The following TTC6 variants were observed in gnomAD, a reference collection of about 807,000 sequenced individuals.
The protein encoded by TTC6 is tetratricopeptide repeat domain 6, also known as tetratricopeptide repeat protein 6.
A neutral mutation model predicts 210.4 loss-of-function variants in TTC6; 172 were observed. The observed-to-expected ratio is 0.82, with a 90% CI of 0.72 to 0.93. TTC6 has a LOEUF of 0.93. TTC6 is among the 40% of genes least tolerant of loss of function. TTC6 has a pLI of 0.00. For synonymous variants in TTC6, 804 were observed against 819.6 expected (o/e 0.98, Z 0.32); for missense variants, 2,414 against 2,318.1 (o/e 1.04, Z -0.85).
In TTC6 at chr14:37,789,596, T is replaced by TTATATATATATATA. The variant is rs1283814571; in HGVS notation, c.3437-1113_3437-1100dup. Among the ~76,000 whole-genome samples, 1,043 of 134,366 alleles carry TTATATATATATATA rather than the reference T, an allele frequency of 7.8e-3. 16 individuals are homozygous for TTATATATATATATA. Among genetic ancestry groups the TTATATATATATATA allele is most frequent in the African/African-American group, 0.027 (963 of 35,598 alleles). 88.1% of individuals were successfully genotyped at this position (134,366 alleles called of 152,430 possible). On this transcript the variant is annotated intron_variant, in intron 15 of 30. Coordinates refer to ENST00000553443, the Ensembl canonical transcript of TTC6. ...TGGTGTTGGGACATTTGGTTTCCTCTTATATATATATATATATATATTGTA... is the reference window on the plus strand; with the variant it reads ...TGGTGTTGGGACATTTGGTTTCCTCTTATATATATATATATATATATATATATATATATATTGTA...
At chr14:37,641,458 C>A (rs1346340834) in intron 1 of TTC6, among the ~76,000 whole-genome samples, 2 of 152,180 alleles carry the variant, frequency 1.3e-5, no homozygotes, top group African/African-American at 4.8e-5. Flanking sequence ...ACAGACTGCA[C>A]AGCACATTTT....
exon 1 of TTC6, chr14:37,622,774 G>A (rs1222241328): frequency 2.6e-6 from 4 of 1,534,816 alleles, no homozygotes; most frequent in Admixed American, 2.0e-5. Flanking sequence ...AGCGGGGCCC[G>A]CGAGGCGCGG....
intron 24 of TTC6, among the ~76,000 whole-genome samples, chr14:37,810,542 CAG>C (rs1189324094): frequency 2.6e-5 from 4 of 152,170 alleles, no homozygotes; most frequent in African/African-American, 4.8e-5. Context: ...CCAAGTCACA[CAG>C]AGAGAGTTAG....
intron 20 of TTC6, among the ~76,000 whole-genome samples, chr14:37,797,560 T>C (rs1299570486): frequency 6.6e-6 from 1 of 151,974 alleles, no homozygotes; most frequent in African/African-American, 2.4e-5. Flanking sequence ...GATTGTGTGC[T>C]GAGTATCTTC....
At chr14:37,629,196 C>A (rs1022931574) in intron 1 of TTC6, among the ~76,000 whole-genome samples, 2 of 152,110 alleles carry the variant, frequency 1.3e-5, no homozygotes, top group Non-Finnish European at 2.9e-5. Flanking sequence ...TTACTTTGGG[C>A]AGTATGGCCA....
chr14:37,707,676 G>A (rs2095838006), intron 5 of TTC6, among the ~76,000 whole-genome samples: 1 of 151,964 alleles, frequency 6.6e-6, no homozygotes, highest in Admixed American at 6.6e-5. Flanking sequence ...TTCTCAAAAG[G>A]ATGTTCTTCC....
chr14:37,789,618 TG>T (rs2096075050), intron 15 of TTC6, among the ~76,000 whole-genome samples: 1 of 106,082 alleles, frequency 9.4e-6, no homozygotes, highest in African/African-American at 3.6e-5. Context: ...ATATATATAT[TG>T]TATATACTCT....
Position 37,841,676 on chromosome 14 carries a change from C to G in TTC6, c.5524+6C>G. The G allele has an allele frequency of 1.3e-6, 2 of 1,589,058 alleles. No individual in the cohort carries two copies. Among genetic ancestry groups the G allele is most frequent in the African/African-American group, 1.4e-5 (1 of 73,906 alleles). ...TGAGGAAGACCTTAATAAAGGTACA[C>G]TTTTGGTAATTATTCTGGTAAGATT... On this transcript the variant is annotated splice_donor_region_variant and intron_variant, in intron 30 of 30. Coordinates refer to ENST00000553443, the Ensembl canonical transcript of TTC6.
chr14:37,740,420 A>G (rs1016730431), intron 10 of TTC6, among the ~76,000 whole-genome samples: 2 of 152,342 alleles, frequency 1.3e-5, no homozygotes, highest in South Asian at 2.1e-4. Context: ...ATCCCCAGAC[A>G]TCACAAAATT....
chr14:37,746,115 G>A (rs751934140), intron 10 of TTC6, among the ~76,000 whole-genome samples: 2 of 152,076 alleles, frequency 1.3e-5, no homozygotes, highest in Non-Finnish European at 1.5e-5. Context: ...GCTTATTGTG[G>A]TCATTGTATC....
At chr14:37,634,989 A>G (rs922646974) in intron 1 of TTC6, among the ~76,000 whole-genome samples, 1 of 152,182 alleles carries the variant, frequency 6.6e-6, no homozygotes, top group African/African-American at 2.4e-5. Context: ...TCTAAACAGA[A>G]AAGATTAGAA....
chr14:37,710,282 G>A (rs767656466), intron 5 of TTC6, among the ~76,000 whole-genome samples: 4 of 152,120 alleles, frequency 2.6e-5, no homozygotes, highest in Non-Finnish European at 4.4e-5. Context: ...GTTGGAGGGA[G>A]ATCCCTTCTC....
intron 1 of TTC6, among the ~76,000 whole-genome samples, chr14:37,641,632 A>G (rs2095691944): frequency 6.6e-6 from 1 of 152,198 alleles, no homozygotes; most frequent in Non-Finnish European, 1.5e-5. Context: ...GTTTTTATGA[A>G]CATGGTAGGA....
intron 1 of TTC6, among the ~76,000 whole-genome samples, chr14:37,659,041 G>C (rs1478650594): frequency 6.6e-6 from 1 of 151,950 alleles, no homozygotes; most frequent in Non-Finnish European, 1.5e-5. Flanking sequence ...TTGTTTTTCT[G>C]TTCCTGTATT....
chr14:37,696,576 T>C, intron 3 of TTC6, 141 bp from the exon 6 acceptor site: 1 of 398,118 alleles, frequency 2.5e-6, no homozygotes, highest in Non-Finnish European at 4.4e-6. Context: ...GAGGAAACTA[T>C]CAATTTACTT....
At chr14:37,787,048 C>T (rs1028285137) in intron 14 of TTC6, among the ~76,000 whole-genome samples, 69 of 152,174 alleles carry the variant, frequency 4.5e-4, no homozygotes, top group African/African-American at 1.4e-3. Context: ...CAGAGAAAAA[C>T]CTCCTAAAAC....
intron 2 of TTC6, among the ~76,000 whole-genome samples, chr14:37,612,670 G>T (rs886603041): frequency 6.6e-6 from 1 of 151,986 alleles, no homozygotes; most frequent in African/African-American, 2.4e-5. Flanking sequence ...CTGCAAATAA[G>T]ATTTTGTAAT....
Position 37,749,706 on chromosome 14 carries a change from T to C in TTC6, c.2827-8T>C. 7.3e-7 allele frequency: 1 copy of C among 1,360,918 alleles called. No homozygotes were observed. Among genetic ancestry groups the C allele is most frequent in the Non-Finnish European group, 9.5e-7 (1 of 1,058,160 alleles). 84.3% of individuals were successfully genotyped at this position (1,360,918 alleles called of 1,614,324 possible). On this transcript the variant is annotated splice_region_variant and splice_polypyrimidine_tract_variant and intron_variant, in intron 11 of 30. Transcript: ENST00000553443. ...AACTTTAACTGAATTTTTACATATA[T>C]TTTCTAGGTAATACTCTTGGAACCA...
At chr14:37,759,719 A>G (rs966478688) in intron 14 of TTC6, among the ~76,000 whole-genome samples, 2 of 151,860 alleles carry the variant, frequency 1.3e-5, no homozygotes, top group Admixed American at 1.3e-4. Context: ...TTCTTGTCTA[A>G]TCTTGTCTTC....
Sources: allele counts gnomAD v4.1 joint callset (sites outside exome capture counted in the v4.1 genomes callset), GRCh38; gene constraint gnomAD v4.1.1; transcripts MANE v1.5; gene names NCBI Gene and HGNC (gene_info 2026-07-23, HGNC 2026-07-21).